HDAC9: variants seen among roughly 807,000 people sequenced by gnomAD.
HDAC9 encodes histone deacetylase 9, also known as MEF-2 interacting transcription repressor (MITR) protein.
In HDAC9, 41 loss-of-function variants were observed where a neutral mutation model predicts 139.4. That is an observed-to-expected ratio of 0.29 (90% CI 0.23 to 0.38). The LOEUF (loss-of-function observed/expected upper bound fraction) is 0.38, where lower values mean the gene tolerates loss of function less well. Ranked by LOEUF, HDAC9 falls within the 10% of genes least tolerant of loss-of-function variation. The pLI is 1.00. For synonymous variants in HDAC9, 517 were observed against 476.2 expected, an observed-to-expected ratio of 1.09 and a Z score of -1.12; for missense variants, 1,147 against 1,297.0, an observed-to-expected ratio of 0.88 and a Z score of 1.78.
chr7:18,613,396 C>T (rs560355202), intron 6 of HDAC9, among the ~76,000 whole-genome samples: 2 of 152,134 alleles, frequency 1.3e-5, no homozygotes, highest in East Asian at 1.9e-4. Context: ...GTTGTGGTCA[C>T]TCTGAGCACA....
At chr7:18,324,087 TG>T (rs1562878133) in intron 1 of HDAC9, among the ~76,000 whole-genome samples, 1 of 151,938 alleles carries the variant, frequency 6.6e-6, no homozygotes, top group Non-Finnish European at 1.5e-5. Context: ...ACAATCACAC[TG>T]GGGATGAAGC....
chr7:18,708,202 A>G (rs1784082509), intron 12 of HDAC9, among the ~76,000 whole-genome samples: 1 of 152,098 alleles, frequency 6.6e-6, no homozygotes, highest in Non-Finnish European at 1.5e-5. Flanking sequence ...TCCTTTGTGA[A>G]GTAGAAGGTG....
chr7:18,684,815 T>C (rs1296274890), intron 12 of HDAC9, among the ~76,000 whole-genome samples: 1 of 152,048 alleles, frequency 6.6e-6, no homozygotes, highest in Non-Finnish European at 1.5e-5. Flanking sequence ...CTTTTTTCTT[T>C]GCACACTTTT....
intron 1 of HDAC9, among the ~76,000 whole-genome samples, chr7:18,440,757 A>G (rs953993525): frequency 2.0e-5 from 3 of 152,218 alleles, no homozygotes; most frequent in African/African-American, 7.2e-5. Context: ...TGATTCTAAG[A>G]TGCCATAATC....
chr7:18,451,742 C>T lies in HDAC9; in HGVS notation c.-41-44520C>T, dbSNP rs189678599. Among the ~76,000 whole-genome samples the T allele has an allele frequency of 1.3e-3, 199 of 151,940 alleles. 4 individuals carry two copies. The highest frequency in any genetic ancestry group is 0.012 in the Admixed American group (181 of 15,248). ...GGAAACATTTGCTATTCAGCCCTAT[C>T]GGCATATTTGGTGAACTGTGTGATG... On this transcript the variant is annotated intron_variant, in intron 1 of 3. Coordinates refer to the HDAC9 transcript ENST00000413509.
rs529639523 is a variant in HDAC9, at chr7:18,582,522, T to A, written c.23-2759T>A. Among the ~76,000 whole-genome samples the A allele has an allele frequency of 8.1e-3, 1,234 of 151,736 alleles. 12 individuals carry two copies. The highest frequency in any genetic ancestry group is 0.028 in the African/African-American group (1,143 of 41,322). ...CTACATTGCTTATATATATATATAT[T>A]TTTTAAATGGTTATCATAGTGTAAA... On this transcript the variant is annotated intron_variant, in intron 2 of 25. Coordinates refer to ENST00000686413, the MANE Select transcript of HDAC9 (RefSeq NM_178425.4).
At chr7:18,101,707 A>G (rs903433254) in intron 1 of HDAC9, among the ~76,000 whole-genome samples, 2 of 152,222 alleles carry the variant, frequency 1.3e-5, no homozygotes, top group African/African-American at 4.8e-5. Context: ...TATATTCTAT[A>G]TCATGCTTGA....
intron 1 of HDAC9, among the ~76,000 whole-genome samples, chr7:18,437,623 C>G (rs1007426137): frequency 6.7e-6 from 1 of 150,044 alleles, no homozygotes; most frequent in Non-Finnish European, 1.5e-5. Context: ...GAAATCATAC[C>G]ACAGTACACG....
chr7:18,223,788 A>G (rs1214131302), intron 2 of HDAC9, among the ~76,000 whole-genome samples: 1 of 152,092 alleles, frequency 6.6e-6, no homozygotes, highest in Non-Finnish European at 1.5e-5. Flanking sequence ...TCAGTAAAAC[A>G]TTCTTTATTC....
intron 2 of HDAC9, among the ~76,000 whole-genome samples, chr7:18,247,779 G>T (rs1178469540): frequency 6.6e-6 from 1 of 151,982 alleles, no homozygotes; most frequent in Admixed American, 6.6e-5. Flanking sequence ...CATTTAAAAA[G>T]AATAATAAAC....
chr7:18,672,021 G>A (rs371949600), intron 12 of HDAC9, among the ~76,000 whole-genome samples: 15 of 152,036 alleles, frequency 9.9e-5, no homozygotes, highest in South Asian at 2.1e-4. Flanking sequence ...GTGATCATTC[G>A]TGTACAAGGC....
chr7:18,989,632 A>G lies in HDAC9; in HGVS notation c.3171-6391A>G, dbSNP rs1389209663. ...CTAGATTGGGGAAGTTCTCCTGGAT[A>G]ATATCCTGCAGAGTGTTTTCCAACT... On this transcript the variant is annotated intron_variant, in intron 25 of 25. Transcript: ENST00000686413. 3.3e-5 allele frequency among the ~76,000 whole-genome samples: 5 copies of G among 151,070 alleles called. No individual in the cohort carries two copies. The South Asian group carries it at 1.1e-3, about 32-fold the overall frequency.
intron 21 of HDAC9, among the ~76,000 whole-genome samples, chr7:18,853,762 C>G (rs1797472668): frequency 1.3e-5 from 2 of 152,220 alleles, no homozygotes; most frequent in Non-Finnish European, 2.9e-5. Context: ...GTGCATTTAC[C>G]TATACCTTTA....
chr7:18,263,713 A>G (rs777925965), intron 2 of HDAC9, among the ~76,000 whole-genome samples: 12 of 151,962 alleles, frequency 7.9e-5, no homozygotes, highest in Admixed American at 2.0e-4. Context: ...AGCCCCAGCA[A>G]TTCTCATGCC....
chr7:18,121,966 A>G (rs1027311535), intron 1 of HDAC9, among the ~76,000 whole-genome samples: 1 of 152,134 alleles, frequency 6.6e-6, no homozygotes, highest in African/African-American at 2.4e-5. Flanking sequence ...CGGAATTATT[A>G]TTTTGTGTTT....
intron 12 of HDAC9, among the ~76,000 whole-genome samples, chr7:18,721,476 G>A (rs1025737598): frequency 1.8e-4 from 28 of 151,592 alleles, no homozygotes; most frequent in African/African-American, 6.8e-4. Context: ...CTAAATGTTC[G>A]TGAATTCTTC....
intron 14 of HDAC9, among the ~76,000 whole-genome samples, chr7:18,759,555 G>T (rs996246926): frequency 2.0e-5 from 3 of 151,982 alleles, no homozygotes; most frequent in Admixed American, 6.6e-5. Context: ...ACATTATGGT[G>T]AGTTGTATAA....
intron 1 of HDAC9, among the ~76,000 whole-genome samples, chr7:18,123,891 A>G (rs139975427): frequency 6.6e-5 from 10 of 152,368 alleles, no homozygotes; most frequent in African/African-American, 2.2e-4. Context: ...TTATAACCTT[A>G]TAGTTGGAAG....
At chr7:18,587,997 T>G (rs1829928583) in intron 3 of HDAC9, among the ~76,000 whole-genome samples, 1 of 152,206 alleles carries the variant, frequency 6.6e-6, no homozygotes, top group Non-Finnish European at 1.5e-5. Context: ...GCATTCCTTC[T>G]GCTACCATGG....
Sources: gnomAD v4.1 joint callset for allele counts (sites outside exome capture counted in the v4.1 genomes callset) on GRCh38, gnomAD v4.1.1 for gene constraint, MANE v1.5 for transcripts, NCBI Gene and HGNC (gene_info 2026-07-23, HGNC 2026-07-21) for gene names.